SH3BGR: variants seen among roughly 807,000 people sequenced by gnomAD.
SH3BGR encodes the protein SH3 domain-binding glutamic acid-rich protein.
A neutral mutation model predicts 24.5 loss-of-function variants in SH3BGR; 29 were observed. The observed-to-expected ratio is 1.18, with a 90% CI of 0.88 to 1.61. The LOEUF (loss-of-function observed/expected upper bound fraction) is 1.61, where lower values mean the gene tolerates loss of function less well. Among genes scored for constraint, SH3BGR ranks in the 40% most tolerant of loss-of-function variants. SH3BGR has a pLI of 0.00. For synonymous variants in SH3BGR, 55 were observed against 65.7 expected (o/e 0.84, Z 0.79); for missense variants, 162 against 205.8 (o/e 0.79, Z 1.30).
intron 3 of SH3BGR, among the ~76,000 whole-genome samples, chr21:39,497,398 A>G (rs951498315): frequency 5.9e-5 from 9 of 151,830 alleles, no homozygotes; most frequent in Non-Finnish European, 1.0e-4. Flanking sequence ...AGCTCTAGAT[A>G]TTAATAACAA....
At chr21:39,471,830 A>AT (rs1212456284) in intron 2 of SH3BGR, among the ~76,000 whole-genome samples, 18 of 152,206 alleles carry the variant, frequency 1.2e-4, no homozygotes, top group African/African-American at 3.9e-4. Context: ...TTTAATCCAC[A>AT]TATTGGGTTT....
intron 1 of SH3BGR, among the ~76,000 whole-genome samples, chr21:39,459,439 A>G (rs962289033): frequency 2.2e-4 from 33 of 152,054 alleles, no homozygotes; most frequent in East Asian, 1.2e-3. Flanking sequence ...TGGCCAGGAT[A>G]GTCTCGATCT....
intron 2 of SH3BGR, among the ~76,000 whole-genome samples, chr21:39,470,814 G>T (rs933998473): frequency 7.3e-5 from 11 of 151,194 alleles, no homozygotes; most frequent in African/African-American, 2.7e-4. Flanking sequence ...CATCCTATAA[G>T]TTTCTTTAAG....
chr21:39,468,596 A>G (rs73367997), intron 2 of SH3BGR, among the ~76,000 whole-genome samples: 2,123 of 152,148 alleles, frequency 0.014, 48 homozygotes, highest in African/African-American at 0.049. Context: ...GCAGCACCAC[A>G]CCTAGCTAAA....
intron 1 of SH3BGR, among the ~76,000 whole-genome samples, chr21:39,457,639 A>G (rs2077684603): frequency 6.6e-6 from 1 of 151,542 alleles, no homozygotes; most frequent in Admixed American, 6.6e-5. Context: ...TCCTTATATT[A>G]TGAAACACCC....
Position 39,475,134 on chromosome 21 carries a change from G to C in SH3BGR, c.232-1G>C. The C allele has an allele frequency of 6.3e-7, 1 of 1,599,306 alleles. No homozygotes were observed. The highest frequency in any genetic ancestry group is 8.6e-7 in the Non-Finnish European group (1 of 1,167,968). Reference sequence around the variant, plus strand: ...TAAACTTTCTTTTTCTTTGCTTCAAGGATTTTGACTCTTTCTTCTCTGCAA... The same window carrying C: ...TAAACTTTCTTTTTCTTTGCTTCAACGATTTTGACTCTTTCTTCTCTGCAA... On this transcript the variant is annotated splice_acceptor_variant, in intron 2 of 6. Coordinates refer to ENST00000333634, the MANE Select transcript of SH3BGR (RefSeq NM_007341.3). LOFTEE classifies it high-confidence loss of function.
chr21:39,500,872 A>G (rs1008224341), intron 4 of SH3BGR, among the ~76,000 whole-genome samples: 3 of 152,172 alleles, frequency 2.0e-5, no homozygotes, highest in Admixed American at 6.5e-5. Context: ...TCTTTACCTC[A>G]AAGAACTTAA....
intron 1 of SH3BGR, 156 bp downstream of exon 1, chr21:39,452,297 A>C (rs1304684791): frequency 2.8e-6 from 1 of 353,318 alleles, no homozygotes; most frequent in Non-Finnish European, 4.0e-6. Context: ...ATTTGATTTC[A>C]TAGTGTTGAA....
intron 5 of SH3BGR, among the ~76,000 whole-genome samples, chr21:39,510,909 C>CCATATA (rs2078676780): frequency 1.5e-5 from 1 of 65,880 alleles, no homozygotes; most frequent in Non-Finnish European, 2.7e-5. Flanking sequence ...ATTCTTCTAA[C>CCATATA]TATATATATA....
In SH3BGR at chr21:39,515,061, T is replaced by C. The variant is rs901757752; in HGVS notation, c.*35-27T>C. 19 of 466,984 alleles carry C rather than the reference T, an allele frequency of 4.1e-5. No homozygotes were observed. In the Admixed American group the frequency reaches 4.5e-4, roughly 11 times the overall value. The allele number at this position is 466,984 out of a possible 1,614,324, so 28.9% of individuals were successfully genotyped here. A position where few individuals can be genotyped will look rare whatever the true frequency, so the allele number is the denominator to read the frequency against. On this transcript the variant is annotated intron_variant, in intron 6 of 6. Transcript: ENST00000333634. ...CATTCTGTGTCTTTCTCTACAGTCT[T>C]TCCCTAATATTTGCCTTTTCTTTTA...
At chr21:39,479,363 ATGATGGTGGTGG>A (rs906634656) in intron 3 of SH3BGR, among the ~76,000 whole-genome samples, 1 of 127,202 alleles carries the variant, frequency 7.9e-6, no homozygotes, top group African/African-American at 3.2e-5. Context: ...GATGGTGGAG[ATGATGGTGGTGG>A]TGATGGTGGT....
intron 1 of SH3BGR, among the ~76,000 whole-genome samples, chr21:39,461,783 A>G (rs1248327460): frequency 1.3e-5 from 2 of 152,166 alleles, no homozygotes; most frequent in African/African-American, 2.4e-5. Flanking sequence ...TAGGACTCCT[A>G]TGGAGTCTTC....
At chr21:39,510,784 G>A (rs2078673999) in intron 5 of SH3BGR, among the ~76,000 whole-genome samples, 1 of 150,972 alleles carries the variant, frequency 6.6e-6, no homozygotes, top group South Asian at 2.1e-4. Flanking sequence ...TATATATATA[G>A]GTTGCTGATA....
At chr21:39,508,223 C>T (rs79980892) in intron 4 of SH3BGR, among the ~76,000 whole-genome samples, 13,055 of 152,268 alleles carry the variant, frequency 0.086, 820 homozygotes, top group African/African-American at 0.17. Flanking sequence ...GGACTGCTCT[C>T]AAGAACCACA....
At chr21:39,476,388 G>A (rs1198609843) in intron 3 of SH3BGR, among the ~76,000 whole-genome samples, 8 of 152,182 alleles carry the variant, frequency 5.3e-5, no homozygotes, top group African/African-American at 1.7e-4. Flanking sequence ...TCTGAGGAGA[G>A]GTGGAAGCAG....
chr21:39,482,193 G>A (rs2078140879), intron 3 of SH3BGR, among the ~76,000 whole-genome samples: 1 of 152,152 alleles, frequency 6.6e-6, no homozygotes, highest in Non-Finnish European at 1.5e-5. Flanking sequence ...AGGAAGAGGA[G>A]CAAGTTAAAT....
intron 6 of SH3BGR, among the ~76,000 whole-genome samples, chr21:39,513,142 T>A: frequency 6.6e-6 from 1 of 152,188 alleles, no homozygotes; most frequent in Non-Finnish European, 1.5e-5. Context: ...GAGACACTTA[T>A]CAAACCAGTA....
At chr21:39,514,133 A>G (rs2078744268) in intron 6 of SH3BGR, among the ~76,000 whole-genome samples, 1 of 152,222 alleles carries the variant, frequency 6.6e-6, no homozygotes, top group Non-Finnish European at 1.5e-5. Context: ...AATCCCAGCC[A>G]CTGACTCCCG....
rs2078632479 is a variant in SH3BGR at position 39,509,133 on chromosome 21, G to A, written c.435+106G>A. On this transcript the variant is annotated intron_variant, in intron 5 of 6. Coordinates refer to ENST00000333634, the MANE Select transcript of SH3BGR (RefSeq NM_007341.3). The stretch of plus-strand genomic sequence containing the variant: ...CACGTTCTTAATAACATAAGAGAGC[G>A]ATGCAACCCACACACCCAGAAAATC... 10 of 816,756 alleles carry A rather than the reference G, an allele frequency of 1.2e-5. No individual in the cohort carries two copies. In the East Asian group the frequency reaches 2.4e-4, roughly 20 times the overall value. 50.6% of individuals were successfully genotyped at this position (816,756 alleles called of 1,614,324 possible). A position where few individuals can be genotyped will look rare whatever the true frequency, so the allele number is the denominator to read the frequency against.
Sources: allele counts gnomAD v4.1 joint callset (sites outside exome capture counted in the v4.1 genomes callset), GRCh38; gene constraint gnomAD v4.1.1; transcripts MANE v1.5; gene names NCBI Gene and HGNC (gene_info 2026-07-23, HGNC 2026-07-21).